Variants in NR3C1 observed in about 807,000 individuals in gnomAD.
NR3C1 encodes the protein glucocorticoid receptor.
A neutral mutation model predicts 74.0 loss-of-function variants in NR3C1; 14 were observed. The ratio of observed to expected loss-of-function variants is 0.19; its 90% confidence interval spans 0.12 to 0.30. The LOEUF (loss-of-function observed/expected upper bound fraction) is 0.30. NR3C1 is among the 10% of genes least tolerant of loss of function. The pLI is 1.00. For missense variants in NR3C1, 695 were observed against 909.8 expected (o/e 0.76, Z 3.04); for synonymous variants, 308 against 332.5 (o/e 0.93, Z 0.80).
At chr5:143,416,626 A>G (rs561714342) in intron 1 of NR3C1, among the ~76,000 whole-genome samples, 1 of 152,240 alleles carries the variant, frequency 6.6e-6, no homozygotes, top group East Asian at 1.9e-4. Flanking sequence ...GGAGTTAGCT[A>G]ACACTTGCAT....
At chr5:143,364,948 C>T (rs1832930533) in intron 2 of NR3C1, among the ~76,000 whole-genome samples, 1 of 152,110 alleles carries the variant, frequency 6.6e-6, no homozygotes, top group East Asian at 1.9e-4. Context: ...CTCAAGCTAT[C>T]CTCCTGCCTC....
chr5:143,413,452 A>G (rs983241818), intron 1 of NR3C1, among the ~76,000 whole-genome samples: 22 of 152,136 alleles, frequency 1.4e-4, no homozygotes, highest in African/African-American at 5.3e-4. Flanking sequence ...GATTCACTGA[A>G]AAGTCCAGGG....
chr5:143,385,965 T>C (rs1263786826), intron 2 of NR3C1, among the ~76,000 whole-genome samples: 1 of 152,194 alleles, frequency 6.6e-6, no homozygotes, highest in African/African-American at 2.4e-5. Context: ...AAGAACTAAC[T>C]GAGACTGGGT....
chr5:143,371,954 T>A (rs1834309922), intron 2 of NR3C1, among the ~76,000 whole-genome samples: 1 of 152,162 alleles, frequency 6.6e-6, no homozygotes, highest in South Asian at 2.1e-4. Context: ...AAAAGAGTAG[T>A]CTCCCCTTAT....
chr5:143,337,933 T>C (rs1827464203), intron 2 of NR3C1, among the ~76,000 whole-genome samples: 1 of 152,236 alleles, frequency 6.6e-6, no homozygotes, highest in African/African-American at 2.4e-5. Context: ...TATATGGTCA[T>C]ACTGGAGGCC....
intron 2 of NR3C1, among the ~76,000 whole-genome samples, chr5:143,376,372 C>G (rs1835190154): frequency 6.6e-6 from 1 of 152,184 alleles, no homozygotes; most frequent in African/African-American, 2.4e-5. Context: ...TTCAGAGCAC[C>G]TCTTTACTTC....
At chr5:143,287,430 C>T (rs1474088947) in intron 7 of NR3C1, among the ~76,000 whole-genome samples, 1 of 152,058 alleles carries the variant, frequency 6.6e-6, no homozygotes, top group Non-Finnish European at 1.5e-5. Context: ...CAAAATGGCT[C>T]ATTTCATAGA....
intron 2 of NR3C1, among the ~76,000 whole-genome samples, chr5:143,321,218 T>C (rs1398397530): frequency 1.3e-5 from 2 of 152,202 alleles, no homozygotes; most frequent in South Asian, 2.1e-4. Flanking sequence ...TCGAGCATCT[T>C]TGAAATGCCA....
chr5:143,332,683 A>T (rs1157582277), intron 2 of NR3C1: 2 of 1,581,534 alleles, frequency 1.3e-6, no homozygotes, highest in African/African-American at 2.7e-5. Flanking sequence ...TCCTGGCGGC[A>T]GAAACGTGAC....
At chr5:143,340,501 G>A (rs1262351248) in intron 2 of NR3C1, among the ~76,000 whole-genome samples, 1 of 18,754 alleles carries the variant, frequency 5.3e-5, no homozygotes, top group Admixed American at 4.5e-4. Context: ...TTTTTTTTTT[G>A]AGACAGAGTC....
At chr5:143,299,061 C>T (rs554248508) in intron 5 of NR3C1, among the ~76,000 whole-genome samples, 1 of 140,462 alleles carries the variant, frequency 7.1e-6, no homozygotes, top group Non-Finnish European at 1.5e-5. Flanking sequence ...GTCACCCAGG[C>T]TGGAGTGCAA....
intron 2 of NR3C1, among the ~76,000 whole-genome samples, chr5:143,339,377 T>C (rs1022417919): frequency 6.6e-6 from 1 of 152,218 alleles, no homozygotes; most frequent in Non-Finnish European, 1.5e-5. Context: ...GGTTCTCTAA[T>C]TCTCTTATCT....
chr5:143,303,741 A>G (rs1240947448), intron 4 of NR3C1, among the ~76,000 whole-genome samples: 1 of 152,152 alleles, frequency 6.6e-6, no homozygotes, highest in Non-Finnish European at 1.5e-5. Flanking sequence ...CACCACAATC[A>G]AGTAGGCTTT....
chr5:143,409,422 A>G (rs545165984), intron 1 of NR3C1, among the ~76,000 whole-genome samples: 210 of 152,256 alleles, frequency 1.4e-3, no homozygotes, highest in Non-Finnish European at 2.4e-3. Flanking sequence ...TAAATGTGTG[A>G]TGTTAAATAT....
At position 143,300,721 on chromosome 5, in the gene NR3C1, G is replaced by A; in HGVS notation, c.1511C>T (p.Thr504Ile). ...AGAGGTTTCTTGTGAGACTCCTGTAGTGGCCTGCTGAATTCCTTTTATTTT... is the reference window on the plus strand; with the variant it reads ...AGAGGTTTCTTGTGAGACTCCTGTAATGGCCTGCTGAATTCCTTTTATTTT... ...KKKIKGIQQATTGVSQETSEN... is the reference protein window; with the variant it reads ...KKKIKGIQQAITGVSQETSEN... The change falls in exon 5 of 9, where the codon ACT becomes ATT. Residue 504 changes from threonine to isoleucine, a missense_variant. This residue lies in a region of NR3C1 where 42 missense variants were observed against 49.3 expected (regional missense o/e 0.85). Transcript: ENST00000394464. The surrounding 1 kb of genome is among the most constrained non-coding windows in gnomAD (Gnocchi z 5.2). The A allele has an allele frequency of 6.2e-7, 1 of 1,614,022 alleles. No individual in the cohort carries two copies. Among genetic ancestry groups the A allele is most frequent in the Non-Finnish European group, 8.5e-7 (1 of 1,179,972 alleles).
chr5:143,298,716 T>G lies in NR3C1; in HGVS notation c.1844A>C (p.Gln615Pro). 1 of 1,613,988 alleles carries G rather than the reference T, an allele frequency of 6.2e-7. No individual in the cohort carries two copies. The highest frequency in any genetic ancestry group is 8.5e-7 in the Non-Finnish European group (1 of 1,179,936). ...AAAACACAGCAGGTTTGCACTTGAT[T>G]GTCTATATGATCTCCACCCCAGAGC... ...AFALGWRSYR[Q>P]SSANLLCFAP... The change falls in exon 6 of 9, where the codon CAA (glutamine) becomes CCA (proline). Residue 615 changes from glutamine to proline, a missense_variant. Coordinates refer to ENST00000394464, the MANE Select transcript of NR3C1 (RefSeq NM_000176.3).
intron 2 of NR3C1, among the ~76,000 whole-genome samples, chr5:143,340,788 G>A (rs968824955): frequency 3.9e-5 from 6 of 151,958 alleles, no homozygotes; most frequent in Admixed American, 6.6e-5. Context: ...GCCAAAAGGC[G>A]ATATTTTTTA....
At chr5:143,316,480 C>T (rs533278235) in intron 2 of NR3C1, among the ~76,000 whole-genome samples, 3 of 152,076 alleles carry the variant, frequency 2.0e-5, no homozygotes, top group Non-Finnish European at 2.9e-5. Flanking sequence ...TGTAGTACTT[C>T]GTAGTTTTAG....
At chr5:143,372,062 T>C (rs1834326767) in intron 2 of NR3C1, among the ~76,000 whole-genome samples, 1 of 152,206 alleles carries the variant, frequency 6.6e-6, no homozygotes, top group South Asian at 2.1e-4. Flanking sequence ...TAAGCACTTA[T>C]CATACACATT....
Sources: gnomAD v4.1 joint callset for allele counts (sites outside exome capture counted in the v4.1 genomes callset) on GRCh38, gnomAD v4.1.1 for gene constraint, gnomAD v4.1.1 regional missense constraint, Gnocchi (gnomAD v3.1) non-coding constraint, MANE v1.5 for transcripts, NCBI Gene and HGNC (gene_info 2026-07-23, HGNC 2026-07-21) for gene names.